GNAQ: variants seen among roughly 807,000 people sequenced by gnomAD.
GNAQ encodes G protein subunit alpha q.
In GNAQ, 8 loss-of-function variants were observed where a neutral mutation model predicts 43.9. The observed-to-expected ratio is 0.18, with a 90% confidence interval of 0.11 to 0.33. The LOEUF is 0.33. Ranked by LOEUF, GNAQ falls within the 10% of genes least tolerant of loss-of-function variation. The pLI is 1.00. For missense variants in GNAQ, 158 were observed against 450.8 expected (o/e 0.35, Z 5.88); for synonymous variants, 155 against 170.7 (o/e 0.91, Z 0.71).
At chr9:77,788,852 T>C (rs1208485080) in intron 5 of GNAQ, among the ~76,000 whole-genome samples, 1 of 152,198 alleles carries the variant, frequency 6.6e-6, no homozygotes, top group African/African-American at 2.4e-5. Flanking sequence ...AAACAGCCCT[T>C]ATGAATTCTA....
At chr9:77,728,268 C>T (rs1396604227) in intron 6 of GNAQ, among the ~76,000 whole-genome samples, 2 of 152,218 alleles carry the variant, frequency 1.3e-5, no homozygotes, top group Admixed American at 6.5e-5. Context: ...GCTGGGATTA[C>T]AGGCGCTCGC....
chr9:77,947,375 C>T (rs1438929919), intron 1 of GNAQ, among the ~76,000 whole-genome samples: 1 of 152,136 alleles, frequency 6.6e-6, no homozygotes, highest in Non-Finnish European at 1.5e-5. Flanking sequence ...GACAAGTTTT[C>T]AAAACACCAC....
intron 2 of GNAQ, among the ~76,000 whole-genome samples, chr9:77,821,757 G>GTA (rs796629292): frequency 6.6e-6 from 1 of 150,504 alleles, no homozygotes; most frequent in African/African-American, 2.5e-5. Flanking sequence ...GTGTGTGTGT[G>GTA]TATGTATGTA....
chr9:77,907,455 G>T (rs1055838610), intron 2 of GNAQ, among the ~76,000 whole-genome samples: 3 of 152,126 alleles, frequency 2.0e-5, no homozygotes, highest in Non-Finnish European at 4.4e-5. Context: ...GCACATTAAA[G>T]AACTAAATAA....
chr9:77,896,563 A>C (rs1828506349), intron 2 of GNAQ, among the ~76,000 whole-genome samples: 1 of 152,244 alleles, frequency 6.6e-6, no homozygotes, highest in South Asian at 2.1e-4. Flanking sequence ...AAAAGAAAGA[A>C]TAATTTCTTG....
chr9:77,767,904 T>C (rs906419403), intron 5 of GNAQ, among the ~76,000 whole-genome samples: 14 of 152,204 alleles, frequency 9.2e-5, no homozygotes, highest in African/African-American at 3.1e-4. Context: ...TATTGAGTTT[T>C]AATGTTTTGA....
intron 1 of GNAQ, among the ~76,000 whole-genome samples, chr9:77,953,290 T>C (rs564324822): frequency 6.6e-6 from 1 of 152,340 alleles, no homozygotes; most frequent in East Asian, 1.9e-4. Flanking sequence ...TGAAAGTGCA[T>C]TTAAGTGCAA....
intron 5 of GNAQ, among the ~76,000 whole-genome samples, chr9:77,786,159 C>T (rs563134715): frequency 6.6e-6 from 1 of 151,884 alleles, no homozygotes; most frequent in Non-Finnish European, 1.5e-5. Flanking sequence ...GGGCAGATCG[C>T]GAGGTCATGA....
Position 77,877,481 on chromosome 9 carries a change from T to C in GNAQ, c.321+44680A>G, listed in dbSNP as rs538863452. Among the ~76,000 whole-genome samples, 7 of 152,306 alleles carry C rather than the reference T, an allele frequency of 4.6e-5. No homozygotes were observed. In the East Asian group the frequency reaches 1.2e-3, roughly 25 times the overall value. ...AGACAAGTTCACGTATTTTCAAACA[T>C]AGATTCTGCACATTTATTGAGACTC... On this transcript the variant is annotated intron_variant, in intron 2 of 6. Coordinates refer to ENST00000286548, the MANE Select transcript of GNAQ (RefSeq NM_002072.5).
intron 2 of GNAQ, 64 bp from the exon 3 acceptor site, chr9:77,815,834 T>A (rs1363462014): frequency 3.9e-6 from 4 of 1,016,642 alleles, no homozygotes; most frequent in African/African-American, 1.6e-5. Flanking sequence ...TTGCTTTGCA[T>A]ATTACATTAT....
At chr9:77,786,367 A>G (rs1350754222) in intron 5 of GNAQ, among the ~76,000 whole-genome samples, 1 of 151,976 alleles carries the variant, frequency 6.6e-6, no homozygotes, top group Non-Finnish European at 1.5e-5. Flanking sequence ...AAAAAAAAAA[A>G]AAAAAGAAGA....
At chr9:77,952,222 A>G (rs747961828) in intron 1 of GNAQ, among the ~76,000 whole-genome samples, 4 of 152,224 alleles carry the variant, frequency 2.6e-5, no homozygotes, top group Non-Finnish European at 5.9e-5. Context: ...CAGTTTTTAT[A>G]TTTAAAATAA....
In GNAQ at chr9:78,014,519, T is replaced by C. The variant is rs575377788; in HGVS notation, c.136+16581A>G. ...TACTTAGGAGGCTGAGGCAGGAGAA[T>C]TGCTTGAACCCGGGAAGCAGAGGTT... On this transcript the variant is annotated intron_variant, in intron 1 of 6. Coordinates refer to ENST00000286548, the MANE Select transcript of GNAQ (RefSeq NM_002072.5). Among the ~76,000 whole-genome samples, 124 of 152,130 alleles carry C rather than the reference T, an allele frequency of 8.2e-4. No homozygotes were observed. In the South Asian group the frequency reaches 0.013, roughly 16 times the overall value.
intron 1 of GNAQ, among the ~76,000 whole-genome samples, chr9:77,964,370 G>A (rs891671659): frequency 6.6e-6 from 1 of 152,104 alleles, no homozygotes; most frequent in African/African-American, 2.4e-5. Flanking sequence ...ATCAAGTAGA[G>A]AGAAAAGCAA....
intron 1 of GNAQ, among the ~76,000 whole-genome samples, chr9:77,973,907 G>A (rs1343792354): frequency 6.6e-6 from 1 of 151,982 alleles, no homozygotes; most frequent in Non-Finnish European, 1.5e-5. Context: ...ATTAACTAAA[G>A]TCCTTACTGG....
intron 2 of GNAQ, among the ~76,000 whole-genome samples, chr9:77,872,303 T>A (rs1362609218): frequency 6.6e-6 from 1 of 152,180 alleles, no homozygotes. Context: ...CAAATTACCA[T>A]TAAACTACTA....
intron 2 of GNAQ, among the ~76,000 whole-genome samples, chr9:77,880,713 C>T (rs1278516915): frequency 6.6e-6 from 1 of 152,186 alleles, no homozygotes; most frequent in African/African-American, 2.4e-5. Flanking sequence ...TTGCCTTCAT[C>T]ATGAAGTATG....
At chr9:77,779,680 C>CAAA (rs58014303) in intron 5 of GNAQ, among the ~76,000 whole-genome samples, 1,873 of 93,272 alleles carry the variant, frequency 0.02, no homozygotes, top group Middle Eastern at 0.035. Context: ...AAAAACAAAA[C>CAAA]AAAAAAAAAA....
intron 1 of GNAQ, among the ~76,000 whole-genome samples, chr9:77,933,846 G>A (rs1189804942): frequency 6.6e-6 from 1 of 151,982 alleles, no homozygotes; most frequent in African/African-American, 2.4e-5. Flanking sequence ...CGTGACACAC[G>A]CAATCCAGAT....
Sources: allele counts gnomAD v4.1 joint callset (sites outside exome capture counted in the v4.1 genomes callset), GRCh38; gene constraint gnomAD v4.1.1; transcripts MANE v1.5; gene names NCBI Gene and HGNC (gene_info 2026-07-23, HGNC 2026-07-21).